Variants in GPM6A observed in about 807,000 individuals in gnomAD.
The protein encoded by GPM6A is neuronal membrane glycoprotein M6-a.
Under a neutral mutation model 32.1 loss-of-function variants are expected in GPM6A, and 7 were observed. The ratio of observed to expected loss-of-function variants is 0.22; its 90% CI spans 0.12 to 0.41. The LOEUF is 0.41. GPM6A is among the 10% of genes least tolerant of loss of function. The probability of loss-of-function intolerance (pLI) is 1.00; values close to 1 mark genes in which losing one functional copy is unlikely to be tolerated. For missense variants in GPM6A, 235 were observed against 347.2 expected, an observed-to-expected ratio of 0.68 and a Z score of 2.57; for synonymous variants, 130 against 123.4, an observed-to-expected ratio of 1.05 and a Z score of -0.35.
At chr4:175,907,523 A>G (rs1738168161) in intron 1 of GPM6A, among the ~76,000 whole-genome samples, 1 of 152,122 alleles carries the variant, frequency 6.6e-6, no homozygotes, top group Non-Finnish European at 1.5e-5. Context: ...AAAACTGTGG[A>G]TAGGAGTTGA....
At chr4:175,787,537 C>T (rs1733849833) in intron 1 of GPM6A, 2 of 1,426,772 alleles carry the variant, frequency 1.4e-6, no homozygotes, top group Middle Eastern at 2.0e-4. Context: ...TCATCAGTAT[C>T]AACATCACCA....
chr4:175,752,475 C>A (rs1407438863), intron 1 of GPM6A, among the ~76,000 whole-genome samples: 1 of 152,106 alleles, frequency 6.6e-6, no homozygotes, highest in Admixed American at 6.6e-5. Flanking sequence ...AAACCAGTCA[C>A]ACTTGGTCCC....
At chr4:175,951,535 A>G (rs1337498562) in intron 1 of GPM6A, among the ~76,000 whole-genome samples, 1 of 152,200 alleles carries the variant, frequency 6.6e-6, no homozygotes, top group Non-Finnish European at 1.5e-5. Flanking sequence ...GTCCTTAACT[A>G]AAAATGAGGG....
intron 2 of GPM6A, among the ~76,000 whole-genome samples, chr4:175,675,795 G>A (rs905788430): frequency 1.3e-5 from 2 of 152,040 alleles, no homozygotes; most frequent in Non-Finnish European, 2.9e-5. Context: ...GACTAGAGGT[G>A]TGCACCACCA....
At chr4:175,934,717 G>T (rs1029254780) in intron 1 of GPM6A, among the ~76,000 whole-genome samples, 5 of 152,106 alleles carry the variant, frequency 3.3e-5, no homozygotes, top group Admixed American at 3.3e-4. Context: ...CACAGAACGC[G>T]AGGGTAATAA....
chr4:175,636,260 G>GTATA (rs34516159), intron 6 of GPM6A, among the ~76,000 whole-genome samples: 4,473 of 100,342 alleles, frequency 0.045, 290 homozygotes, highest in Non-Finnish European at 0.052. Flanking sequence ...CATAATCACT[G>GTATA]TATATATATA....
chr4:175,680,084 T>TAC lies in GPM6A; in HGVS notation c.231-6250_231-6249dup, dbSNP rs1295738533. ...TCAAGGTAAGAAACACATGTATGTA[T>TAC]ACACACACACATCAATATATGCAAC... On this transcript the variant is annotated intron_variant, in intron 2 of 6. Coordinates refer to ENST00000393658, the MANE Select transcript of GPM6A (RefSeq NM_201591.3). 2.6e-5 allele frequency among the ~76,000 whole-genome samples: 4 copies of TAC among 152,298 alleles called. No homozygotes were observed. The East Asian group carries it at 5.8e-4, about 22-fold the overall frequency.
chr4:175,967,620 G>A (rs901094790), intron 1 of GPM6A, among the ~76,000 whole-genome samples: 1 of 152,074 alleles, frequency 6.6e-6, no homozygotes, highest in African/African-American at 2.4e-5. Flanking sequence ...TTTCTTATAT[G>A]CCAGCAATGA....
intron 1 of GPM6A, among the ~76,000 whole-genome samples, chr4:175,768,191 A>G (rs1733049982): frequency 6.6e-6 from 1 of 152,196 alleles, no homozygotes; most frequent in Non-Finnish European, 1.5e-5. Context: ...TTGACAACTA[A>G]AATTCTAAGA....
chr4:175,932,172 T>C lies in GPM6A; in HGVS notation c.-23+70137A>G, dbSNP rs199518252. Among the ~76,000 whole-genome samples the C allele has an allele frequency of 6.6e-5, 10 of 151,996 alleles. No homozygotes were observed. The East Asian group carries it at 1.7e-3, about 26-fold the overall frequency. ...GATAAGTATGGAAGTATATCTGCTATTGTTTGGATGTGTCCCTTCCAAAAT... is the reference window on the plus strand; with the variant it reads ...GATAAGTATGGAAGTATATCTGCTACTGTTTGGATGTGTCCCTTCCAAAAT... On this transcript the variant is annotated intron_variant, in intron 1 of 7. Transcript: ENST00000280187.
At chr4:175,787,311 C>G in intron 1 of GPM6A, 1 of 1,384,748 alleles carries the variant, frequency 7.2e-7, no homozygotes, top group Non-Finnish European at 9.9e-7. Context: ...GATAATACTC[C>G]CACCAAAGTC....
intron 1 of GPM6A, among the ~76,000 whole-genome samples, chr4:175,967,949 TACA>T (rs1366018503): frequency 6.6e-6 from 1 of 151,928 alleles, no homozygotes; most frequent in Non-Finnish European, 1.5e-5. Flanking sequence ...ACAGAAAAAA[TACA>T]ACATCAACAG....
chr4:175,921,916 C>T (rs1459123577), intron 1 of GPM6A, among the ~76,000 whole-genome samples: 1 of 152,148 alleles, frequency 6.6e-6, no homozygotes, highest in East Asian at 1.9e-4. Context: ...TTCAGTACTT[C>T]ATTTCTCTTG....
At chr4:175,686,442 C>T (rs1296939132) in intron 2 of GPM6A, among the ~76,000 whole-genome samples, 1 of 152,104 alleles carries the variant, frequency 6.6e-6, no homozygotes, top group Non-Finnish European at 1.5e-5. Flanking sequence ...CTGCATTATT[C>T]AGGTGGGGCC....
chr4:175,643,085 A>G (rs186353809), intron 4 of GPM6A, among the ~76,000 whole-genome samples: 113 of 152,234 alleles, frequency 7.4e-4, no homozygotes, highest in Admixed American at 1.8e-3. Flanking sequence ...TGTTCAAAAT[A>G]CATCCATAAT....
At chr4:175,945,575 T>C (rs984062060) in intron 1 of GPM6A, among the ~76,000 whole-genome samples, 3 of 151,732 alleles carry the variant, frequency 2.0e-5, no homozygotes, top group Non-Finnish European at 4.4e-5. Context: ...TTGTAAGTAA[T>C]ACGCACCCAT....
intron 1 of GPM6A, among the ~76,000 whole-genome samples, chr4:175,981,163 G>GA (rs974190262): frequency 6.6e-6 from 1 of 151,770 alleles, no homozygotes; most frequent in Non-Finnish European, 1.5e-5. Flanking sequence ...TTATTTGGTG[G>GA]AAAAAAGCAT....
intron 2 of GPM6A, among the ~76,000 whole-genome samples, chr4:175,682,696 T>C (rs1743753994): frequency 6.6e-6 from 1 of 152,190 alleles, no homozygotes; most frequent in Admixed American, 6.5e-5. Flanking sequence ...CAGATACAGC[T>C]TGGGCTGCTG....
chr4:175,791,759 T>TCACACA (rs537207132), intron 1 of GPM6A, among the ~76,000 whole-genome samples: 1 of 151,980 alleles, frequency 6.6e-6, no homozygotes, highest in African/African-American at 2.4e-5. Flanking sequence ...ACCCATTTAT[T>TCACACA]CACACACACA....
Sources: allele counts gnomAD v4.1 joint callset (sites outside exome capture counted in the v4.1 genomes callset), GRCh38; gene constraint gnomAD v4.1.1; transcripts MANE v1.5; gene names NCBI Gene and HGNC (gene_info 2026-07-23, HGNC 2026-07-21).